The following CNTN5 variants were observed in gnomAD, a reference collection of about 807,000 sequenced individuals.
The protein encoded by CNTN5 is contactin-5.
A neutral mutation model predicts 129.1 loss-of-function variants in CNTN5; 77 were observed. The observed-to-expected ratio is 0.60, with a 90% CI of 0.50 to 0.72. The LOEUF is 0.72. Ranked by LOEUF, CNTN5 falls within the 30% of genes least tolerant of loss-of-function variation. The probability of loss-of-function intolerance (pLI) is 0.00; values close to 1 mark genes in which losing one functional copy is unlikely to be tolerated. For missense variants in CNTN5, 1,478 were observed against 1,328.8 expected (o/e 1.11, Z -1.75); for synonymous variants, 509 against 465.6 (o/e 1.09, Z -1.20).
At chr11:99,083,771 G>T (rs1466866350) in intron 1 of CNTN5, among the ~76,000 whole-genome samples, 4 of 152,080 alleles carry the variant, frequency 2.6e-5, no homozygotes, top group Non-Finnish European at 5.9e-5. Flanking sequence ...TTGTGGGGAA[G>T]TGAGTGTTTA....
intron 8 of CNTN5, among the ~76,000 whole-genome samples, chr11:99,962,914 A>G (rs1172109595): frequency 5.3e-5 from 8 of 150,506 alleles, no homozygotes; most frequent in Admixed American, 2.0e-4. Flanking sequence ...GCCAGTGATG[A>G]TGAGCATTTT....
intron 13 of CNTN5, among the ~76,000 whole-genome samples, chr11:100,177,269 G>A (rs746504471): frequency 5.9e-5 from 9 of 152,102 alleles, no homozygotes; most frequent in Admixed American, 2.0e-4. Flanking sequence ...CAGCTCCTCT[G>A]AGATGCCTTC....
At chr11:99,773,672 T>C (rs1297852174) in intron 3 of CNTN5, among the ~76,000 whole-genome samples, 2 of 149,224 alleles carry the variant, frequency 1.3e-5, no homozygotes, top group East Asian at 5.0e-4. Context: ...AAAGTGATAA[T>C]AGTAATATTA....
intron 3 of CNTN5, among the ~76,000 whole-genome samples, chr11:99,645,802 G>A (rs73555614): frequency 7.3e-5 from 11 of 151,398 alleles, no homozygotes; most frequent in Non-Finnish European, 1.3e-4. Context: ...CTGTCGGGGT[G>A]GGGGGCTAGG....
intron 1 of CNTN5, among the ~76,000 whole-genome samples, chr11:99,247,814 G>A (rs896205636): frequency 2.7e-4 from 41 of 152,194 alleles, no homozygotes; most frequent in African/African-American, 9.6e-4. Context: ...TGGCTGCATG[G>A]TATTCCATGG....
chr11:99,956,686 G>A (rs1476465027), intron 7 of CNTN5, 120 bp from the exon 8 acceptor site: 8 of 651,586 alleles, frequency 1.2e-5, no homozygotes, highest in Non-Finnish European at 2.2e-5. Context: ...ATAGATACAT[G>A]GATCAAATAT....
rs1279511636 is a variant in CNTN5, at chr11:99,042,362, CTTCTTTTT to C, written c.-210+21095_-210+21102del. On this transcript the variant is annotated intron_variant, in intron 1 of 24. Transcript: ENST00000524871. ...CTGCACATGTACCTCCCTTCTTCTT[CTTCTTTTT>C]TTTTTTTTTTTTTTTTTTTTTTGAG... Among the ~76,000 whole-genome samples the C allele has an allele frequency of 3.2e-3, 392 of 120,768 alleles. 4 individuals are homozygous for C. The highest frequency in any genetic ancestry group is 0.012 in the African/African-American group (371 of 30,824). The allele number at this position is 120,768 out of a possible 152,430, so 79.2% of individuals were successfully genotyped here. A position where few individuals can be genotyped will look rare whatever the true frequency, so the allele number is the denominator to read the frequency against.
intron 2 of CNTN5, among the ~76,000 whole-genome samples, chr11:99,368,828 G>C (rs561197451): frequency 6.6e-6 from 1 of 152,168 alleles, no homozygotes; most frequent in African/African-American, 2.4e-5. Flanking sequence ...CAAGGCTATT[G>C]CAATAGGGGA....
At chr11:99,305,780 G>A (rs1864846007) in intron 1 of CNTN5, among the ~76,000 whole-genome samples, 1 of 151,512 alleles carries the variant, frequency 6.6e-6, no homozygotes, top group Admixed American at 6.6e-5. Flanking sequence ...CGGGAGTTCG[G>A]GACCAGCCTG....
intron 6 of CNTN5, among the ~76,000 whole-genome samples, chr11:99,912,363 T>C (rs1421581074): frequency 6.6e-6 from 1 of 152,034 alleles, no homozygotes; most frequent in Non-Finnish European, 1.5e-5. Flanking sequence ...GGATTTGGGC[T>C]TATATACCTA....
intron 6 of CNTN5, among the ~76,000 whole-genome samples, chr11:99,885,570 A>G (rs1337453386): frequency 6.6e-6 from 1 of 152,210 alleles, no homozygotes; most frequent in Non-Finnish European, 1.5e-5. Context: ...TAAAATTTTT[A>G]TCTCAGGCAA....
intron 6 of CNTN5, among the ~76,000 whole-genome samples, chr11:99,856,392 A>G (rs1211215301): frequency 6.6e-6 from 1 of 152,120 alleles, no homozygotes; most frequent in Non-Finnish European, 1.5e-5. Context: ...ATCTTTCACA[A>G]CTTTCTTAGA....
At chr11:99,464,961 T>C (rs1324422096) in intron 2 of CNTN5, among the ~76,000 whole-genome samples, 1 of 152,212 alleles carries the variant, frequency 6.6e-6, no homozygotes, top group Non-Finnish European at 1.5e-5. Flanking sequence ...CTTTATTTTT[T>C]ATTTGGAATA....
chr11:100,262,564 G>A (rs558294379), intron 17 of CNTN5, among the ~76,000 whole-genome samples: 110 of 152,282 alleles, frequency 7.2e-4, no homozygotes, highest in African/African-American at 1.9e-3. Context: ...TGATAGCCTG[G>A]ATGAAGAAAA....
chr11:99,888,006 C>A (rs1306889667), intron 6 of CNTN5, among the ~76,000 whole-genome samples: 4 of 152,182 alleles, frequency 2.6e-5, no homozygotes, highest in African/African-American at 9.7e-5. Flanking sequence ...CAGTATTAAC[C>A]ATCACACCTA....
chr11:99,527,424 T>C (rs1211966059), intron 2 of CNTN5, among the ~76,000 whole-genome samples: 1 of 152,184 alleles, frequency 6.6e-6, no homozygotes, highest in African/African-American at 2.4e-5. Context: ...ACACCAAGTC[T>C]TTAATAAATT....
At chr11:99,060,916 T>A (rs1864849000) in intron 1 of CNTN5, among the ~76,000 whole-genome samples, 1 of 152,030 alleles carries the variant, frequency 6.6e-6, no homozygotes, top group Admixed American at 6.6e-5. Flanking sequence ...GCATCCTGAC[T>A]CATGTCTTCC....
intron 3 of CNTN5, among the ~76,000 whole-genome samples, chr11:99,707,633 CA>C (rs1479146950): frequency 1.3e-5 from 2 of 151,652 alleles, no homozygotes; most frequent in Admixed American, 6.6e-5. Flanking sequence ...GTCAAATTTA[CA>C]TTTGGCTTTG....
At chr11:99,997,684 C>T (rs148509986) in intron 8 of CNTN5, among the ~76,000 whole-genome samples, 10,971 of 152,008 alleles carry the variant, frequency 0.072, 779 homozygotes, top group East Asian at 0.31. Flanking sequence ...AGACCAAAGC[C>T]GGGCAGAGAC....
Sources: gnomAD v4.1 joint callset for allele counts (sites outside exome capture counted in the v4.1 genomes callset) on GRCh38, gnomAD v4.1.1 for gene constraint, MANE v1.5 for transcripts, NCBI Gene and HGNC (gene_info 2026-07-23, HGNC 2026-07-21) for gene names.